Variants in EML4 observed in about 807,000 individuals in gnomAD.
EML4 encodes the protein EMAP like 4.
Under a neutral mutation model 129.0 loss-of-function variants are expected in EML4, and 72 were observed. The observed-to-expected ratio is 0.56, with a 90% CI of 0.46 to 0.68. EML4 has a LOEUF of 0.68. Ranked by LOEUF, EML4 falls within the 30% of genes least tolerant of loss-of-function variation. The pLI is 0.00. For missense variants in EML4, 1,363 were observed against 1,190.6 expected, an observed-to-expected ratio of 1.14 and a Z score of -2.13; for synonymous variants, 532 against 405.0, an observed-to-expected ratio of 1.31 and a Z score of -3.77.
intron 1 of EML4, among the ~76,000 whole-genome samples, chr2:42,192,722 A>AT (rs1279215607): frequency 1.3e-5 from 2 of 152,202 alleles, no homozygotes; most frequent in African/African-American, 4.8e-5. Context: ...TTTTGCTAGA[A>AT]TAACTGGCTC....
Position 42,329,092 on chromosome 2 carries a change from T to C in EML4, c.2472+76T>C. The C allele has an allele frequency of 4.8e-6, 7 of 1,444,232 alleles. No homozygotes were observed. The South Asian group carries it at 9.1e-5, about 19-fold the overall frequency. 89.5% of individuals were successfully genotyped at this position (1,444,232 alleles called of 1,614,324 possible). On this transcript the variant is annotated intron_variant, in intron 22 of 22. Transcript: ENST00000318522. ...TGATTTTGCATCCATAGCAAGAAAA[T>C]ATAGGTTACTGATTCCTCTCCATGA... is the stretch of plus-strand genomic sequence containing the variant.
chr2:42,268,646 C>G (rs569043164), intron 6 of EML4, among the ~76,000 whole-genome samples: 27 of 152,184 alleles, frequency 1.8e-4, no homozygotes, highest in African/African-American at 6.3e-4. Flanking sequence ...CTGTGTTTCC[C>G]AGGCGTGTCT....
chr2:42,315,985 C>G lies in EML4; in HGVS notation c.1991C>G (p.Thr664Ser), dbSNP rs774572148. 1 of 1,613,120 alleles carries G rather than the reference C, an allele frequency of 6.2e-7. No homozygotes were observed. The highest frequency in any genetic ancestry group is 1.1e-5 in the South Asian group (1 of 90,984). Residue 664 changes from threonine to serine, a missense_variant, in exon 18 of 23, where the codon ACC becomes AGC. By Grantham distance (58) the Thr-to-Ser change is moderately conservative. Coordinates refer to ENST00000318522, the MANE Select transcript of EML4 (RefSeq NM_019063.5). ...SGRWFVLDAETRDLVSIHTDG... is the reference protein window; with the variant it reads ...SGRWFVLDAESRDLVSIHTDG... ...AGGTGGTTTGTTCTGGATGCAGAAACCAGAGATCTAGTTTCTATCCACACA... is the reference window on the plus strand; with the variant it reads ...AGGTGGTTTGTTCTGGATGCAGAAAGCAGAGATCTAGTTTCTATCCACACA...
intron 1 of EML4, among the ~76,000 whole-genome samples, chr2:42,209,002 C>T (rs1672727442): frequency 6.6e-6 from 1 of 152,118 alleles, no homozygotes; most frequent in Non-Finnish European, 1.5e-5. Context: ...CTTCCTATTT[C>T]CTTATGGTTT....
chr2:42,199,594 T>C (rs1043407852), intron 1 of EML4, among the ~76,000 whole-genome samples: 2 of 152,348 alleles, frequency 1.3e-5, no homozygotes, highest in Non-Finnish European at 2.9e-5. Flanking sequence ...GTTGCCGTTT[T>C]GACTCAGCTG....
intron 2 of EML4, among the ~76,000 whole-genome samples, chr2:42,253,805 A>T (rs537751476): frequency 1.3e-5 from 2 of 152,236 alleles, no homozygotes; most frequent in African/African-American, 4.8e-5. Context: ...ATAGACCTCA[A>T]TGTAAGGGCT....
chr2:42,183,707 A>G (rs905569884), intron 1 of EML4, among the ~76,000 whole-genome samples: 2 of 152,132 alleles, frequency 1.3e-5, no homozygotes, highest in Non-Finnish European at 2.9e-5. Context: ...ATAATATACT[A>G]TGCTACCTTT....
intron 19 of EML4, among the ~76,000 whole-genome samples, chr2:42,317,968 A>G (rs907677845): frequency 2.0e-5 from 3 of 151,404 alleles, no homozygotes; most frequent in African/African-American, 7.4e-5. Flanking sequence ...GAGAGTTAAC[A>G]GAAAGGATGT....
At chr2:42,177,752 A>G (rs1329000329) in intron 1 of EML4, among the ~76,000 whole-genome samples, 1 of 152,256 alleles carries the variant, frequency 6.6e-6, no homozygotes. Flanking sequence ...GGTATTTTCA[A>G]GTACAAGTCA....
intron 1 of EML4, among the ~76,000 whole-genome samples, chr2:42,194,921 A>G (rs1045377375): frequency 2.0e-5 from 3 of 152,154 alleles, no homozygotes; most frequent in Non-Finnish European, 4.4e-5. Context: ...TAAGAGTTAA[A>G]AGTTAATTTT....
chr2:42,287,323 A>T (rs957456913), intron 10 of EML4, among the ~76,000 whole-genome samples: 1 of 152,194 alleles, frequency 6.6e-6, no homozygotes, highest in Non-Finnish European at 1.5e-5. Context: ...TCATAAAGGC[A>T]ATACTTTTGC....
In EML4 at chr2:42,326,267, C is replaced by G. The variant is rs1156601602; in HGVS notation, c.2341+15C>G. ...TCAAGTATTTGGTAAGGAAATGACA[C>G]CTGATGTAAAGAAGTGGTTTGTGGG... On this transcript the variant is annotated intron_variant, in intron 21 of 22. Transcript: ENST00000318522. The G allele has an allele frequency of 6.4e-7, 1 of 1,566,038 alleles. No homozygotes were observed. The highest frequency in any genetic ancestry group is 8.8e-7 in the Non-Finnish European group (1 of 1,142,688).
intron 1 of EML4, among the ~76,000 whole-genome samples, chr2:42,243,980 C>T (rs111425553): frequency 6.8e-6 from 1 of 147,606 alleles, no homozygotes; most frequent in Non-Finnish European, 1.5e-5. Flanking sequence ...AAAACTTGCC[C>T]TCAGTGTAAG....
At chr2:42,240,010 G>C (rs956484531) in intron 1 of EML4, among the ~76,000 whole-genome samples, 10 of 152,198 alleles carry the variant, frequency 6.6e-5, no homozygotes, top group Admixed American at 2.0e-4. Context: ...CTCGTTTGCT[G>C]TGTGGCCATG....
intron 1 of EML4, among the ~76,000 whole-genome samples, chr2:42,195,279 T>C (rs986863358): frequency 2.6e-5 from 4 of 152,232 alleles, no homozygotes; most frequent in African/African-American, 9.6e-5. Flanking sequence ...CTTACACGAC[T>C]ATTAACTAAT....
intron 17 of EML4, among the ~76,000 whole-genome samples, chr2:42,309,704 A>G (rs1668825889): frequency 6.6e-6 from 1 of 152,194 alleles, no homozygotes; most frequent in Admixed American, 6.6e-5. Context: ...CTTTAGAGAA[A>G]TGTATGTTGA....
intron 1 of EML4, among the ~76,000 whole-genome samples, chr2:42,193,172 GTA>G (rs1238835502): frequency 1.3e-5 from 2 of 152,140 alleles, no homozygotes; most frequent in Non-Finnish European, 2.9e-5. Flanking sequence ...ATTGCCTACA[GTA>G]TTCAGTGCAG....
chr2:42,198,604 A>G (rs931144389), intron 1 of EML4, among the ~76,000 whole-genome samples: 1 of 152,190 alleles, frequency 6.6e-6, no homozygotes, highest in African/African-American at 2.4e-5. Context: ...TTGGGGAGGA[A>G]TATTTCTACC....
chr2:42,230,991 A>G (rs1674302417), intron 1 of EML4, among the ~76,000 whole-genome samples: 1 of 152,140 alleles, frequency 6.6e-6, no homozygotes, highest in Non-Finnish European at 1.5e-5. Flanking sequence ...TTACATTTAA[A>G]TAAAAACACC....
Sources: allele counts gnomAD v4.1 joint callset (sites outside exome capture counted in the v4.1 genomes callset), GRCh38; gene constraint gnomAD v4.1.1; transcripts MANE v1.5; gene names NCBI Gene and HGNC (gene_info 2026-07-23, HGNC 2026-07-21).